Variants in RIMKLA observed in about 807,000 individuals in gnomAD.
RIMKLA encodes N-acetylaspartylglutamate synthase A.
RIMKLA carries 14 observed loss-of-function variants against 32.7 expected under a neutral mutation model. That is an observed-to-expected ratio of 0.43 (90% CI 0.28 to 0.67). RIMKLA has a LOEUF of 0.67. RIMKLA is among the 30% of genes least tolerant of loss of function. RIMKLA has a pLI of 0.18. For synonymous variants in RIMKLA, 176 were observed against 204.1 expected (o/e 0.86, Z 1.18); for missense variants, 410 against 519.0 (o/e 0.79, Z 2.04).
rs1342978954 is a variant in RIMKLA, at chr1:42,423,090, T to TG, written c.*8121dup. The stretch of plus-strand genomic sequence containing the variant: ...CCTGGGAGAAGCGGTGATAAGACCC[T>TG]GGGGGACTAACAGTCAAAACAAGGC... On this transcript the variant is annotated 3_prime_UTR_variant, in exon 5 of 5. Transcript: ENST00000431473. 6.6e-6 allele frequency among the ~76,000 whole-genome samples: 1 copy of TG among 152,152 alleles called. No homozygotes were observed. Among genetic ancestry groups the TG allele is most frequent in the Non-Finnish European group, 1.5e-5 (1 of 68,030 alleles).
chr1:42,404,029 A>T (rs1200803839), intron 2 of RIMKLA, among the ~76,000 whole-genome samples: 1 of 151,704 alleles, frequency 6.6e-6, no homozygotes, highest in Non-Finnish European at 1.5e-5. Flanking sequence ...AGTCTCTCTG[A>T]TGTTTCACCA....
At chr1:42,400,773 G>A (rs995362652) in intron 2 of RIMKLA, among the ~76,000 whole-genome samples, 2 of 152,146 alleles carry the variant, frequency 1.3e-5, no homozygotes, top group Admixed American at 6.5e-5. Flanking sequence ...GCAGATAAAT[G>A]AATCTGGAGC....
At chr1:42,410,209 T>C (rs748143402) in intron 4 of RIMKLA, 22 bp downstream of exon 4, 1 of 1,606,550 alleles carries the variant, frequency 6.2e-7, no homozygotes, top group East Asian at 2.2e-5. Context: ...AAGCACAGGG[T>C]TTTATTAGGG....
intron 1 of RIMKLA, among the ~76,000 whole-genome samples, chr1:42,393,383 CTGGTAGGCAGAGA>C (rs1438383973): frequency 6.6e-6 from 1 of 152,184 alleles, no homozygotes; most frequent in Non-Finnish European, 1.5e-5. Context: ...CTATAATCTC[CTGGTAGGCAGAGA>C]CCATCTAGTT....
rs1643248480 is a variant in RIMKLA, at chr1:42,416,360, G to T, written c.*1386G>T. The T allele has an allele frequency of 6.6e-6, 1 of 152,152 alleles. No individual in the cohort carries two copies. 9.4% of individuals were successfully genotyped at this position (152,152 alleles called of 1,614,324 possible). On this transcript the variant is annotated 3_prime_UTR_variant, in exon 5 of 5. Transcript: ENST00000431473. ...CCTTTGGGATTACCTTTGAAGCCAT[G>T]CAAGGCAAGAGGCCTCACAACTTTA...
intron 1 of RIMKLA, among the ~76,000 whole-genome samples, chr1:42,383,014 CT>C (rs950277129): frequency 2.2e-4 from 33 of 147,630 alleles, no homozygotes; most frequent in East Asian, 5.9e-4. Flanking sequence ...TGTGCCACTA[CT>C]TTTTTTTTTA....
At chr1:42,409,868 C>G (rs943923322) in intron 3 of RIMKLA, 116 bp from the exon 4 acceptor site, 59 of 790,422 alleles carry the variant, frequency 7.5e-5, no homozygotes, top group African/African-American at 1.7e-5. Flanking sequence ...ATAGAAGGGA[C>G]CAAAGTGAGG....
chr1:42,394,106 T>C (rs1050856242), intron 1 of RIMKLA, among the ~76,000 whole-genome samples: 2 of 152,212 alleles, frequency 1.3e-5, no homozygotes, highest in African/African-American at 2.4e-5. Flanking sequence ...TTTATATAGT[T>C]GATTCCTTTC....
At chr1:42,402,557 T>C (rs925440808) in intron 2 of RIMKLA, among the ~76,000 whole-genome samples, 1 of 151,250 alleles carries the variant, frequency 6.6e-6, no homozygotes, top group Non-Finnish European at 1.5e-5. Context: ...TAGATTTTCC[T>C]CTACAGCCAC....
At chr1:42,393,190 CA>C (rs1178779262) in intron 1 of RIMKLA, among the ~76,000 whole-genome samples, 1 of 133,954 alleles carries the variant, frequency 7.5e-6, no homozygotes, top group Non-Finnish European at 1.6e-5. Flanking sequence ...AATTACTATC[CA>C]GAGAGACTAC....
rs374406089 is a variant in RIMKLA, at chr1:42,412,338, TCTC to T, written c.686-2145_686-2143del. ...TCTCAGTCCTTTCCATATCTCTCTC[TCTC>T]TTTTTTTTTGGTCCATTGAGGCATT... On this transcript the variant is annotated intron_variant, in intron 4 of 4. Transcript: ENST00000431473. 39 of 181,594 alleles carry T rather than the reference TCTC, an allele frequency of 2.1e-4. No individual in the cohort carries two copies. In the East Asian group the frequency reaches 6.3e-3, roughly 29 times the overall value. 11.2% of individuals were successfully genotyped at this position (181,594 alleles called of 1,614,324 possible).
At chr1:42,400,990 G>A (rs1643092137) in intron 2 of RIMKLA, among the ~76,000 whole-genome samples, 1 of 152,096 alleles carries the variant, frequency 6.6e-6, no homozygotes, top group Non-Finnish European at 1.5e-5. Flanking sequence ...TTCGGGCAGT[G>A]GTCCCCAAGC....
intron 1 of RIMKLA, among the ~76,000 whole-genome samples, chr1:42,393,328 G>GA (rs1174140685): frequency 6.6e-6 from 1 of 152,090 alleles, no homozygotes; most frequent in Non-Finnish European, 1.5e-5. Flanking sequence ...TTTCAGGAGT[G>GA]AAAAAAATGC....
chr1:42,395,765 A>G lies in RIMKLA; in HGVS notation c.164-3639A>G, dbSNP rs367595987. ...TACTTAAGTGGTTAAAGGTCTCAAA[A>G]TTTACAGACCTTTTGCCGAGGGCCA... On this transcript the variant is annotated intron_variant, in intron 1 of 4. Coordinates refer to ENST00000431473, the MANE Select transcript of RIMKLA (RefSeq NM_173642.4). Among the ~76,000 whole-genome samples, 4 of 152,280 alleles carry G rather than the reference A, an allele frequency of 2.6e-5. No homozygotes were observed. In the East Asian group the frequency reaches 7.7e-4, roughly 29 times the overall value.
At chr1:42,406,740 ATC>A (rs201295605) in intron 3 of RIMKLA, among the ~76,000 whole-genome samples, 1,620 of 152,214 alleles carry the variant, frequency 0.011, 23 homozygotes, top group African/African-American at 0.037. Context: ...GTGAAATGGT[ATC>A]TCATTGTGGT....
chr1:42,415,762 C>T lies in RIMKLA; in HGVS notation c.*788C>T, dbSNP rs1198012657. 5 of 152,150 alleles carry T rather than the reference C, an allele frequency of 3.3e-5. No individual in the cohort carries two copies. The highest frequency in any genetic ancestry group is 2.4e-5 in the African/African-American group (1 of 41,424). 9.4% of individuals were successfully genotyped at this position (152,150 alleles called of 1,614,324 possible). On this transcript the variant is annotated 3_prime_UTR_variant, in exon 5 of 5. Transcript: ENST00000431473. ...GTGGCCACTCAGTTTATTTCTTAAG[C>T]GTGCACTAGAATCTAACACCATGGA...
At chr1:42,402,913 G>T (rs568380765) in intron 2 of RIMKLA, among the ~76,000 whole-genome samples, 1 of 151,808 alleles carries the variant, frequency 6.6e-6, no homozygotes, top group South Asian at 2.1e-4. Context: ...TTTTTTTTTA[G>T]CCCAGTGAGA....
chr1:42,404,053 G>T (rs1025837761), intron 2 of RIMKLA, among the ~76,000 whole-genome samples: 2 of 151,834 alleles, frequency 1.3e-5, no homozygotes, highest in African/African-American at 4.8e-5. Context: ...TTTTTTTAGA[G>T]ACTCATCTGA....
At chr1:42,397,129 C>CA (rs1643054548) in intron 1 of RIMKLA, among the ~76,000 whole-genome samples, 1 of 152,092 alleles carries the variant, frequency 6.6e-6, no homozygotes, top group Non-Finnish European at 1.5e-5. Flanking sequence ...AGCGGAAGTA[C>CA]AAAAAACAGT....
Sources: gnomAD v4.1 joint callset for allele counts (sites outside exome capture counted in the v4.1 genomes callset) on GRCh38, gnomAD v4.1.1 for gene constraint, MANE v1.5 for transcripts, NCBI Gene and HGNC (gene_info 2026-07-23, HGNC 2026-07-21) for gene names.